The following BTBD9 variants were observed in gnomAD, a reference collection of about 807,000 sequenced individuals.
BTBD9 encodes BTB/POZ domain-containing protein 9.
In BTBD9, 49 loss-of-function variants were observed where a neutral mutation model predicts 64.3. That is an observed-to-expected ratio of 0.76 (90% CI 0.61 to 0.97). BTBD9 has a LOEUF of 0.97. Among genes scored for constraint, BTBD9 ranks in the 50% least tolerant of loss-of-function variants. BTBD9 has a pLI of 0.00. For synonymous variants in BTBD9, 260 were observed against 274.7 expected, an observed-to-expected ratio of 0.95 and a Z score of 0.53; for missense variants, 598 against 762.1, an observed-to-expected ratio of 0.78 and a Z score of 2.53.
intron 6 of BTBD9, among the ~76,000 whole-genome samples, chr6:38,381,862 C>T (rs930904686): frequency 7.9e-5 from 12 of 151,380 alleles, no homozygotes; most frequent in African/African-American, 2.7e-4. Flanking sequence ...AAAGAATCCA[C>T]GGGTCAAAGA....
At chr6:38,334,397 T>C (rs1763799280) in intron 7 of BTBD9, among the ~76,000 whole-genome samples, 1 of 151,954 alleles carries the variant, frequency 6.6e-6, no homozygotes, top group South Asian at 2.1e-4. Flanking sequence ...CTGTCTCTAC[T>C]AAAAATACAA....
intron 6 of BTBD9, among the ~76,000 whole-genome samples, chr6:38,500,729 T>C (rs1424464550): frequency 6.6e-6 from 1 of 152,224 alleles, no homozygotes; most frequent in Non-Finnish European, 1.5e-5. Flanking sequence ...TTCTTTATGA[T>C]ACCTGGCCAT....
intron 8 of BTBD9, among the ~76,000 whole-genome samples, chr6:38,281,949 G>C (rs1480485043): frequency 1.3e-5 from 2 of 152,160 alleles, no homozygotes; most frequent in African/African-American, 4.8e-5. Context: ...ACAAAGTGCT[G>C]TCATTTATTA....
chr6:38,181,619 C>T (rs1333006155), intron 10 of BTBD9, among the ~76,000 whole-genome samples: 1 of 152,146 alleles, frequency 6.6e-6, no homozygotes, highest in Non-Finnish European at 1.5e-5. Context: ...AAAATGAAGA[C>T]GAGTGCCTCC....
intron 5 of BTBD9, among the ~76,000 whole-genome samples, chr6:38,578,433 C>T (rs959291841): frequency 4.6e-5 from 7 of 152,202 alleles, no homozygotes; most frequent in African/African-American, 1.7e-4. Context: ...AATCTATATT[C>T]CCCTGTCATA....
At chr6:38,232,364 G>A (rs868488084) in intron 9 of BTBD9, among the ~76,000 whole-genome samples, 22 of 151,620 alleles carry the variant, frequency 1.5e-4, no homozygotes, top group Non-Finnish European at 2.2e-4. Context: ...TCTGCCTCCC[G>A]GGTTCACGCC....
chr6:38,330,053 C>G (rs79050901), intron 7 of BTBD9, among the ~76,000 whole-genome samples: 1 of 150,326 alleles, frequency 6.7e-6, no homozygotes, highest in African/African-American at 2.4e-5. Flanking sequence ...TTTTTCTTTT[C>G]TTTTTTTTTG....
chr6:38,473,969 G>A (rs182604158), intron 6 of BTBD9, among the ~76,000 whole-genome samples: 1 of 152,216 alleles, frequency 6.6e-6, no homozygotes. Context: ...CCTAAGATAG[G>A]AAAGAGCTTG....
intron 6 of BTBD9, among the ~76,000 whole-genome samples, chr6:38,372,560 A>G (rs1032416861): frequency 6.6e-6 from 1 of 152,226 alleles, no homozygotes; most frequent in African/African-American, 2.4e-5. Flanking sequence ...CTTTTCATCC[A>G]TATTTGCAGG....
At chr6:38,298,262 G>A (rs1347101556) in intron 7 of BTBD9, among the ~76,000 whole-genome samples, 1 of 151,734 alleles carries the variant, frequency 6.6e-6, no homozygotes, top group Non-Finnish European at 1.5e-5. Flanking sequence ...ATCCTTTTAT[G>A]TCTCTTAAAT....
intron 6 of BTBD9, among the ~76,000 whole-genome samples, chr6:38,537,551 T>A (rs1774075398): frequency 6.6e-6 from 1 of 152,218 alleles, no homozygotes; most frequent in Admixed American, 6.5e-5. Context: ...GGCAAGCATA[T>A]CTCTTTAATT....
chr6:38,238,303 G>A (rs540524471), intron 9 of BTBD9, among the ~76,000 whole-genome samples: 33 of 152,208 alleles, frequency 2.2e-4, no homozygotes, highest in South Asian at 1.0e-3. Flanking sequence ...GACGTGAGAC[G>A]TCAATCAAAT....
At chr6:38,288,128 C>T (rs1009706359) in intron 8 of BTBD9, 144 bp downstream of exon 8, 14 of 846,694 alleles carry the variant, frequency 1.7e-5, no homozygotes, top group Admixed American at 2.8e-5. Context: ...TCCCTTCCTT[C>T]GGCTCCCACT....
At chr6:38,393,936 T>C (rs1766547808) in intron 6 of BTBD9, among the ~76,000 whole-genome samples, 1 of 152,188 alleles carries the variant, frequency 6.6e-6, no homozygotes, top group South Asian at 2.1e-4. Context: ...CACTATGTAA[T>C]ATCCTGGGGA....
At chr6:38,604,972 A>C (rs191638508) in intron 1 of BTBD9, among the ~76,000 whole-genome samples, 20 of 152,268 alleles carry the variant, frequency 1.3e-4, no homozygotes, top group African/African-American at 4.8e-4. Context: ...AGCTGGGACT[A>C]CAGGTGCACA....
chr6:38,424,339 T>C (rs1312831129), intron 6 of BTBD9, among the ~76,000 whole-genome samples: 2 of 151,750 alleles, frequency 1.3e-5, no homozygotes, highest in Admixed American at 6.6e-5. Flanking sequence ...TTGGAAGCAA[T>C]TGGGAAATTC....
At chr6:38,585,039 G>A (rs79203114) in intron 4 of BTBD9, among the ~76,000 whole-genome samples, 2,364 of 151,012 alleles carry the variant, frequency 0.016, 45 homozygotes, top group African/African-American at 0.054. Context: ...GAAAGGGACC[G>A]TCATCCTATT....
intron 8 of BTBD9, among the ~76,000 whole-genome samples, chr6:38,258,359 G>C (rs1764674206): frequency 6.6e-6 from 1 of 152,080 alleles, no homozygotes; most frequent in Admixed American, 6.5e-5. Flanking sequence ...AGTGCCACAG[G>C]GGAGACAGAT....
intron 6 of BTBD9, among the ~76,000 whole-genome samples, chr6:38,503,907 A>G (rs937511710): frequency 3.9e-5 from 6 of 152,196 alleles, no homozygotes; most frequent in Admixed American, 6.5e-5. Context: ...ATGCAAATAT[A>G]TCACACTCTA....
Sources: gnomAD v4.1 joint callset for allele counts (sites outside exome capture counted in the v4.1 genomes callset) on GRCh38, gnomAD v4.1.1 for gene constraint, MANE v1.5 for transcripts, NCBI Gene and HGNC (gene_info 2026-07-23, HGNC 2026-07-21) for gene names.